MYOCD: variants seen among roughly 807,000 people sequenced by gnomAD.
MYOCD encodes myocardin.
Under a neutral mutation model 96.1 loss-of-function variants are expected in MYOCD, and 32 were observed. The observed-to-expected ratio is 0.33, with a 90% CI of 0.25 to 0.45. The LOEUF is 0.45. Ranked by LOEUF, MYOCD falls within the 20% of genes least tolerant of loss-of-function variation. MYOCD has a pLI of 1.00. For synonymous variants in MYOCD, 469 were observed against 469.0 expected (o/e 1.00, Z 0.00); for missense variants, 1,133 against 1,200.6 (o/e 0.94, Z 0.83).
intron 13 of MYOCD, chr17:12,761,329 AAC>A (rs1380963270): frequency 6.6e-6 from 1 of 152,164 alleles, no homozygotes; most frequent in Non-Finnish European, 1.5e-5. Flanking sequence ...TTAAGCCAAA[AAC>A]ATTTAAAATT....
chr17:12,744,105 C>A, intron 7 of MYOCD, 78 bp from the exon 8 acceptor site: 2 of 1,528,606 alleles, frequency 1.3e-6, no homozygotes, highest in South Asian at 1.3e-5. Context: ...GACAAAACTG[C>A]CTCACAACGT....
intron 2 of MYOCD, among the ~76,000 whole-genome samples, chr17:12,713,628 A>G (rs970228121): frequency 9.2e-5 from 14 of 152,228 alleles, no homozygotes; most frequent in African/African-American, 3.4e-4. Flanking sequence ...GGACAGAGGT[A>G]TTGATACAGA....
intron 1 of MYOCD, among the ~76,000 whole-genome samples, chr17:12,693,172 G>A (rs1567574532): frequency 6.6e-6 from 1 of 152,098 alleles, no homozygotes; most frequent in Non-Finnish European, 1.5e-5. Context: ...AATATTAAGG[G>A]AACATATTTT....
chr17:12,734,375 C>T (rs1055911610), intron 5 of MYOCD, among the ~76,000 whole-genome samples: 4 of 151,984 alleles, frequency 2.6e-5, no homozygotes, highest in African/African-American at 7.2e-5. Context: ...GGCACTGGCC[C>T]GGGGCACGTG....
At chr17:12,717,323 T>C (rs1255818566) in intron 3 of MYOCD, 23 bp from the exon 4 acceptor site, 2 of 1,599,628 alleles carry the variant, frequency 1.3e-6, no homozygotes, top group Non-Finnish European at 1.7e-6. Context: ...AACTAGGTGA[T>C]TTCTCTTGTT....
intron 5 of MYOCD, among the ~76,000 whole-genome samples, chr17:12,729,327 C>T (rs552932672): frequency 1.1e-4 from 17 of 152,060 alleles, no homozygotes; most frequent in South Asian, 2.1e-4. Context: ...AGTGTTGGAG[C>T]GTGTGGGAGT....
intron 7 of MYOCD, among the ~76,000 whole-genome samples, chr17:12,740,865 A>C (rs2032485662): frequency 6.6e-6 from 1 of 151,882 alleles, no homozygotes; most frequent in Non-Finnish European, 1.5e-5. Context: ...CAGCCTCCCC[A>C]GTAGCTGGGA....
chr17:12,745,410 C>T (rs1485027335), intron 8 of MYOCD, among the ~76,000 whole-genome samples: 3 of 151,970 alleles, frequency 2.0e-5, no homozygotes, highest in East Asian at 1.9e-4. Context: ...GGTCTCTCCA[C>T]GTTGGTCAGG....
At chr17:12,700,549 G>T (rs1461256139) in intron 1 of MYOCD, among the ~76,000 whole-genome samples, 2 of 151,100 alleles carry the variant, frequency 1.3e-5, no homozygotes, top group African/African-American at 4.9e-5. Flanking sequence ...GAGTAGCTGG[G>T]ACTACAGGCA....
chr17:12,667,518 G>A (rs182460501), intron 1 of MYOCD, among the ~76,000 whole-genome samples: 342 of 152,256 alleles, frequency 2.2e-3, no homozygotes, highest in Non-Finnish European at 2.9e-3. Flanking sequence ...TCACCACTGC[G>A]TTGTATTCGG....
At chr17:12,732,414 G>T (rs897245449) in intron 5 of MYOCD, among the ~76,000 whole-genome samples, 6 of 151,990 alleles carry the variant, frequency 3.9e-5, no homozygotes, top group Non-Finnish European at 8.8e-5. Context: ...GTCACTTCAG[G>T]CTCCATTCAA....
In MYOCD at chr17:12,768,608, A is replaced by G. The variant is rs2033401010; in HGVS notation, c.*4964A>G. ...CTGGAAGCTTTTTTAATGTTTTCCA[A>G]AGGAAAGGAACCCACACTGCTCCCC... On this transcript the variant is annotated 3_prime_UTR_variant, in exon 14 of 14. Coordinates refer to ENST00000425538, the MANE Select transcript of MYOCD (RefSeq NM_001146312.3). The G allele has an allele frequency of 6.6e-6, 1 of 152,192 alleles. No individual in the cohort carries two copies. The allele number at this position is 152,192 out of a possible 1,614,324, so 9.4% of individuals were successfully genotyped here. A position where few individuals can be genotyped will look rare whatever the true frequency, so the allele number is the denominator to read the frequency against.
chr17:12,716,161 A>G (rs1335693137), intron 3 of MYOCD, among the ~76,000 whole-genome samples: 1 of 152,202 alleles, frequency 6.6e-6, no homozygotes, highest in Admixed American at 6.5e-5. Context: ...TTGAGTGAGA[A>G]GGAAAGGCAA....
chr17:12,736,375 C>T (rs1385611347), intron 6 of MYOCD, 39 bp downstream of exon 6: 3 of 1,597,570 alleles, frequency 1.9e-6, no homozygotes, highest in Admixed American at 1.7e-5. Flanking sequence ...AGTAAAACAG[C>T]ATCTCAGTGT....
In MYOCD at chr17:12,732,464, C is replaced by T. The variant is rs150477728; in HGVS notation, c.416-3697C>T. ...GGAGGCTTCTTGGACAACTTCGCAT[C>T]GCTGTCTCCTCTCTGTAACCACCAC... On this transcript the variant is annotated intron_variant, in intron 5 of 13. Coordinates refer to ENST00000425538, the MANE Select transcript of MYOCD (RefSeq NM_001146312.3). Among the ~76,000 whole-genome samples the T allele has an allele frequency of 8.5e-5, 13 of 152,294 alleles. No homozygotes were observed. In the East Asian group the frequency reaches 2.1e-3, roughly 25 times the overall value.
At position 12,766,674 on chromosome 17, in the gene MYOCD, G is replaced by T. The variant is rs1157394212; in HGVS notation, c.*3030G>T. On this transcript the variant is annotated 3_prime_UTR_variant, in exon 14 of 14. Transcript: ENST00000425538. Reference sequence around the variant, plus strand: ...GACAAATCAGGCATGACTAAAAGATGTACAGAGACTTACGAAGATGGTCAC... The same window carrying T: ...GACAAATCAGGCATGACTAAAAGATTTACAGAGACTTACGAAGATGGTCAC... 1 of 152,168 alleles carries T rather than the reference G, an allele frequency of 6.6e-6. No homozygotes were observed. Among genetic ancestry groups the T allele is most frequent in the Non-Finnish European group, 1.5e-5 (1 of 68,038 alleles). 9.4% of individuals were successfully genotyped at this position (152,168 alleles called of 1,614,324 possible).
chr17:12,710,979 A>G (rs190158967), intron 2 of MYOCD, among the ~76,000 whole-genome samples: 1 of 152,256 alleles, frequency 6.6e-6, no homozygotes, highest in East Asian at 1.9e-4. Context: ...AGAAATTCCA[A>G]AGTGTTCACA....
intron 1 of MYOCD, among the ~76,000 whole-genome samples, chr17:12,690,704 G>GACAT (rs918995929): frequency 1.3e-5 from 2 of 150,620 alleles, no homozygotes; most frequent in African/African-American, 4.9e-5. Context: ...GTCTACCTCG[G>GACAT]ACATACTAGA....
At chr17:12,745,613 C>T (rs565497126) in intron 8 of MYOCD, among the ~76,000 whole-genome samples, 5 of 152,310 alleles carry the variant, frequency 3.3e-5, no homozygotes, top group South Asian at 2.1e-4. Context: ...GAGCACTAAA[C>T]GCAACCAAGC....
Sources: gnomAD v4.1 joint callset for allele counts (sites outside exome capture counted in the v4.1 genomes callset) on GRCh38, gnomAD v4.1.1 for gene constraint, MANE v1.5 for transcripts, NCBI Gene and HGNC (gene_info 2026-07-23, HGNC 2026-07-21) for gene names.